The following RARB variants were observed in gnomAD, a reference collection of about 807,000 sequenced individuals.
RARB encodes retinoic acid receptor beta.
A neutral mutation model predicts 51.9 loss-of-function variants in RARB; 17 were observed. That is an observed-to-expected ratio of 0.33 (90% CI 0.22 to 0.49). The LOEUF is 0.49. RARB is among the 20% of genes least tolerant of loss of function. The probability of loss-of-function intolerance (pLI) is 0.99; values close to 1 mark genes in which losing one functional copy is unlikely to be tolerated. For synonymous variants in RARB, 215 were observed against 195.4 expected (o/e 1.10, Z -0.84); for missense variants, 369 against 550.8 (o/e 0.67, Z 3.30).
chr3:25,531,287 G>T (rs1374583707), intron 3 of RARB, among the ~76,000 whole-genome samples: 1 of 152,104 alleles, frequency 6.6e-6, no homozygotes, highest in Non-Finnish European at 1.5e-5. Context: ...CAAGCAAAGA[G>T]ATACAAGTGT....
At chr3:24,996,707 AT>A (rs1697047894) in intron 2 of RARB, among the ~76,000 whole-genome samples, 1 of 151,636 alleles carries the variant, frequency 6.6e-6, no homozygotes, top group African/African-American at 2.4e-5. Flanking sequence ...TTCTTCCTTT[AT>A]CCTTTGGTTG....
At chr3:25,161,623 T>C (rs1424933103) in intron 4 of RARB, among the ~76,000 whole-genome samples, 1 of 152,192 alleles carries the variant, frequency 6.6e-6, no homozygotes, top group Non-Finnish European at 1.5e-5. Context: ...CTCACAAATG[T>C]AAAACACTCA....
chr3:24,861,486 A>G (rs1234056915), intron 2 of RARB, among the ~76,000 whole-genome samples: 1 of 151,950 alleles, frequency 6.6e-6, no homozygotes, highest in African/African-American at 2.4e-5. Flanking sequence ...TCAAAGATCT[A>G]TGTATACAGT....
At chr3:25,258,059 G>A (rs996612716) in intron 5 of RARB, among the ~76,000 whole-genome samples, 1 of 152,002 alleles carries the variant, frequency 6.6e-6, no homozygotes, top group Non-Finnish European at 1.5e-5. Flanking sequence ...CTTCATCATT[G>A]TGTTGTCCTC....
At chr3:25,425,108 A>C (rs963045804), upstream of RARB, among the ~76,000 whole-genome samples, 1 of 152,244 alleles carries the variant, frequency 6.6e-6, no homozygotes, top group South Asian at 2.1e-4. Context: ...GAGATGACAC[A>C]TATCAGAATG....
chr3:25,274,150 T>C (rs1674952355), intron 5 of RARB, among the ~76,000 whole-genome samples: 1 of 152,194 alleles, frequency 6.6e-6, no homozygotes, highest in Non-Finnish European at 1.5e-5. Flanking sequence ...ACCAGTGAAA[T>C]TAATTTCAAC....
chr3:25,098,205 T>C lies in RARB; in HGVS notation c.-327-33956T>C, dbSNP rs558481123. Among the ~76,000 whole-genome samples, 5 of 152,222 alleles carry C rather than the reference T, an allele frequency of 3.3e-5. No individual in the cohort carries two copies. The South Asian group carries it at 1.0e-3, about 32-fold the overall frequency. ...GCCTGAAGGGTGAAAAGTTGGTATT[T>C]ACAGGCAGGCAAAGGCAGGCAGTGG... is the stretch of plus-strand genomic sequence containing the variant. On this transcript the variant is annotated intron_variant, in intron 3 of 11. Transcript: ENST00000383772.
intron 3 of RARB, among the ~76,000 whole-genome samples, chr3:25,094,656 G>A (rs1699260140): frequency 7.7e-6 from 1 of 129,562 alleles, no homozygotes; most frequent in Non-Finnish European, 1.5e-5. Context: ...GGCAGAGGGT[G>A]CAGTGAATCA....
intron 5 of RARB, among the ~76,000 whole-genome samples, chr3:25,339,965 T>TG (rs1354058653): frequency 6.6e-6 from 1 of 152,074 alleles, no homozygotes. Context: ...ACTGTGGAGG[T>TG]GACCCAAGTT....
At chr3:25,541,636 A>G (rs1699384854) in intron 3 of RARB, among the ~76,000 whole-genome samples, 1 of 152,246 alleles carries the variant, frequency 6.6e-6, no homozygotes, top group Non-Finnish European at 1.5e-5. Flanking sequence ...AGAATCATGA[A>G]CATTTCCCCT....
chr3:25,418,498 C>A (rs1452397251), intron 5 of RARB, among the ~76,000 whole-genome samples: 1 of 151,954 alleles, frequency 6.6e-6, no homozygotes, highest in Admixed American at 6.6e-5. Context: ...TTTACCTAAC[C>A]CGACCCAGCA....
At chr3:24,940,599 C>A (rs571091500) in intron 2 of RARB, among the ~76,000 whole-genome samples, 3 of 152,226 alleles carry the variant, frequency 2.0e-5, no homozygotes, top group East Asian at 3.9e-4. Flanking sequence ...TGGCAGTACT[C>A]CCCAGGGTAC....
chr3:25,435,731 A>G (rs1390372502), intron 1 of RARB, among the ~76,000 whole-genome samples: 3 of 152,202 alleles, frequency 2.0e-5, no homozygotes, highest in African/African-American at 7.2e-5. Flanking sequence ...TATTTTAATT[A>G]GTCCTTTTTA....
intron 2 of RARB, among the ~76,000 whole-genome samples, chr3:25,028,979 G>A (rs919178731): frequency 6.6e-6 from 1 of 152,174 alleles, no homozygotes; most frequent in African/African-American, 2.4e-5. Flanking sequence ...CTGGCAAAGG[G>A]AGCCCAGGCG....
At chr3:25,036,465 G>C (rs1253612053) in intron 2 of RARB, among the ~76,000 whole-genome samples, 1 of 152,086 alleles carries the variant, frequency 6.6e-6, no homozygotes, top group East Asian at 1.9e-4. Context: ...TAGACTAATA[G>C]ACCATCTTTT....
At chr3:25,591,672 A>T (rs1353014175) in intron 5 of RARB, among the ~76,000 whole-genome samples, 4 of 152,252 alleles carry the variant, frequency 2.6e-5, no homozygotes, top group Admixed American at 2.6e-4. Flanking sequence ...GGTGATCAAT[A>T]AAACATTAGC....
At chr3:25,267,193 G>C (rs1703147258) in intron 5 of RARB, among the ~76,000 whole-genome samples, 1 of 152,208 alleles carries the variant, frequency 6.6e-6, no homozygotes, top group South Asian at 2.1e-4. Flanking sequence ...AGAAGACTAA[G>C]TGGACTTTGC....
intron 4 of RARB, among the ~76,000 whole-genome samples, chr3:25,168,140 A>T (rs1700588421): frequency 6.6e-6 from 1 of 152,208 alleles, no homozygotes; most frequent in Non-Finnish European, 1.5e-5. Context: ...ATGGAAATAA[A>T]ACAGAAAAAG....
At chr3:25,262,274 G>T (rs1415245072) in intron 5 of RARB, among the ~76,000 whole-genome samples, 2 of 151,988 alleles carry the variant, frequency 1.3e-5, no homozygotes, top group African/African-American at 2.4e-5. Context: ...TCCCTCTAAC[G>T]TTCAGCCATG....
Sources: gnomAD v4.1 joint callset for allele counts (sites outside exome capture counted in the v4.1 genomes callset) on GRCh38, gnomAD v4.1.1 for gene constraint, MANE v1.5 for transcripts, NCBI Gene and HGNC (gene_info 2026-07-23, HGNC 2026-07-21) for gene names.